The following TMEM165 variants were observed in gnomAD, a reference collection of about 807,000 sequenced individuals.
TMEM165 encodes the protein transmembrane protein 165.
A neutral mutation model predicts 30.0 loss-of-function variants in TMEM165; 19 were observed. The observed-to-expected ratio is 0.63, with a 90% CI of 0.44 to 0.93. TMEM165 has a LOEUF of 0.93. TMEM165 is among the 40% of genes least tolerant of loss of function. The pLI, the probability that TMEM165 is intolerant of heterozygous loss-of-function variation, is 0.00. For synonymous variants in TMEM165, 168 were observed against 162.9 expected, an observed-to-expected ratio of 1.03 and a Z score of -0.24; for missense variants, 340 against 417.0, an observed-to-expected ratio of 0.82 and a Z score of 1.61.
downstream of TMEM165, chr4:55,430,228 G>T (rs1177208553): frequency 6.6e-6 from 1 of 151,824 alleles, no homozygotes; most frequent in Admixed American, 6.6e-5. Context: ...TGGTGGTGAT[G>T]GAATTTCACT....
chr4:55,408,969 G>A (rs1255714241), intron 1 of TMEM165, among the ~76,000 whole-genome samples: 1 of 150,872 alleles, frequency 6.6e-6, no homozygotes, highest in Non-Finnish European at 1.5e-5. Flanking sequence ...GAAGAGAAAG[G>A]AAGTTGTTGT....
chr4:55,422,644 CTTTA>C (rs1021063060), intron 4 of TMEM165, among the ~76,000 whole-genome samples: 20 of 151,650 alleles, frequency 1.3e-4, no homozygotes, highest in Middle Eastern at 3.4e-3. Flanking sequence ...GGGTGTCATG[CTTTA>C]TTTATTTATT....
intron 3 of TMEM165, chr4:55,432,653 C>T (rs925397734): frequency 6.6e-6 from 1 of 151,326 alleles, no homozygotes; most frequent in African/African-American, 2.4e-5. Flanking sequence ...CTTTGCAACC[C>T]AAATTTAAGA....
Position 55,441,469 on chromosome 4 carries a change from T to C in TMEM165, c.409-10770T>C, listed in dbSNP as rs376370875. On this transcript the variant is annotated intron_variant, in intron 3 of 3. Transcript: ENST00000608091. The stretch of plus-strand genomic sequence containing the variant: ...AGTACAGTTCACAATTCCAAAGATA[T>C]GGAATCAACCTAAGTGCCCATCAAC... Among the ~76,000 whole-genome samples the C allele has an allele frequency of 2.0e-5, 3 of 152,166 alleles. No homozygotes were observed. In the South Asian group the frequency reaches 6.2e-4, roughly 32 times the overall value.
At chr4:55,445,972 T>C (rs1201322615) in intron 3 of TMEM165, among the ~76,000 whole-genome samples, 2 of 152,096 alleles carry the variant, frequency 1.3e-5, no homozygotes, top group Admixed American at 1.3e-4. Flanking sequence ...TTTTTTATAT[T>C]ATTCCTGTTC....
chr4:55,450,047 T>G, intron 3 of TMEM165: 1 of 1,609,204 alleles, frequency 6.2e-7, no homozygotes, highest in Non-Finnish European at 8.5e-7. Flanking sequence ...AAAAGTTTAG[T>G]TAGTTACTTT....
chr4:55,402,375 G>GT (rs1721033867), intron 1 of TMEM165, among the ~76,000 whole-genome samples: 2 of 111,058 alleles, frequency 1.8e-5, no homozygotes, highest in South Asian at 2.7e-4. Flanking sequence ...TGGTGTCATT[G>GT]TTTAAGTGCG....
At chr4:55,442,791 C>T (rs767771111) in intron 3 of TMEM165, among the ~76,000 whole-genome samples, 1 of 151,932 alleles carries the variant, frequency 6.6e-6, no homozygotes, top group Non-Finnish European at 1.5e-5. Context: ...AGGAATGACT[C>T]GTGGTAACTG....
chr4:55,449,469 G>A lies in TMEM165; in HGVS notation c.409-2770G>A, dbSNP rs200566706. ...TAAATGCTGCCTGGGTGGAGTGCTC[G>A]TATCCGTCGGGATCTTGGTTGGTGT... On this transcript the variant is annotated intron_variant, in intron 3 of 3. Transcript: ENST00000608091. 89 of 1,613,842 alleles carry A rather than the reference G, an allele frequency of 5.5e-5. No individual in the cohort carries two copies. In the Middle Eastern group the frequency reaches 6.6e-4, roughly 12 times the overall value.
intron 4 of TMEM165, among the ~76,000 whole-genome samples, chr4:55,420,106 A>AAAAAAAAAAAAAAATATAT (rs1474254120): frequency 1.3e-4 from 6 of 45,370 alleles, no homozygotes; most frequent in African/African-American, 2.5e-4. Flanking sequence ...AAGAAAAAAA[A>AAAAAAAAAAAAAAATATAT]ATATATATAT....
intron 2 of TMEM165, among the ~76,000 whole-genome samples, chr4:55,416,708 G>A (rs998068499): frequency 2.0e-5 from 3 of 152,122 alleles, no homozygotes; most frequent in Non-Finnish European, 4.4e-5. Context: ...CAGCTCTTGA[G>A]AGGGCCTCAG....
intron 1 of TMEM165, among the ~76,000 whole-genome samples, chr4:55,400,263 A>G (rs1206634204): frequency 1.2e-5 from 1 of 85,724 alleles, no homozygotes; most frequent in Non-Finnish European, 2.2e-5. Context: ...ATATTAATAT[A>G]TAATATATAA....
intron 3 of TMEM165, among the ~76,000 whole-genome samples, chr4:55,442,959 A>C (rs1353146458): frequency 6.6e-6 from 1 of 152,152 alleles, no homozygotes; most frequent in Non-Finnish European, 1.5e-5. Context: ...TTTTCATTTA[A>C]ATCCTTGGGA....
chr4:55,401,135 T>C (rs1210270006), intron 1 of TMEM165, among the ~76,000 whole-genome samples: 3 of 148,102 alleles, frequency 2.0e-5, no homozygotes, highest in Admixed American at 6.6e-5. Context: ...TTGTATCTTA[T>C]AGGATGCTAA....
At chr4:55,447,037 T>G (rs907547160) in intron 3 of TMEM165, among the ~76,000 whole-genome samples, 1 of 145,252 alleles carries the variant, frequency 6.9e-6, no homozygotes, top group Admixed American at 6.9e-5. Flanking sequence ...CTCCCTCAAG[T>G]TTTTTTTTTT....
At chr4:55,397,590 A>C (rs187375507) in intron 1 of TMEM165, among the ~76,000 whole-genome samples, 5 of 151,668 alleles carry the variant, frequency 3.3e-5, no homozygotes, top group Non-Finnish European at 7.4e-5. Context: ...ACTTCCCTAA[A>C]ATTTCTTGGT....
chr4:55,424,318 T>C (rs972136117), intron 4 of TMEM165: 2 of 504,700 alleles, frequency 4.0e-6, no homozygotes, highest in Admixed American at 7.5e-5. Context: ...ACAAATTGAT[T>C]TGGGTTATTT....
At chr4:55,450,712 T>C (rs1346827726) in intron 3 of TMEM165, among the ~76,000 whole-genome samples, 1 of 151,252 alleles carries the variant, frequency 6.6e-6, no homozygotes, top group Admixed American at 6.6e-5. Context: ...GAGGATGTAG[T>C]GAGCCGAGAT....
chr4:55,444,808 AG>A (rs761286331), intron 3 of TMEM165: 1 of 1,610,972 alleles, frequency 6.2e-7, no homozygotes, highest in East Asian at 2.2e-5. Context: ...GTACGGAAAA[AG>A]TGTAATATAT....
Sources: allele counts gnomAD v4.1 joint callset (sites outside exome capture counted in the v4.1 genomes callset), GRCh38; gene constraint gnomAD v4.1.1; transcripts MANE v1.5; gene names NCBI Gene and HGNC (gene_info 2026-07-23, HGNC 2026-07-21).